ZFYVE16: variants seen among roughly 807,000 people sequenced by gnomAD.
ZFYVE16 encodes the protein zinc finger FYVE domain-containing protein 16.
In ZFYVE16, 89 loss-of-function variants were observed where a neutral mutation model predicts 138.1. That is an observed-to-expected ratio of 0.64 (90% CI 0.54 to 0.77). ZFYVE16 has a LOEUF of 0.77. Among genes scored for constraint, ZFYVE16 ranks in the 30% least tolerant of loss-of-function variants. ZFYVE16 has a pLI of 0.00. For missense variants in ZFYVE16, 1,793 were observed against 1,786.7 expected, an observed-to-expected ratio of 1.00 and a Z score of -0.06; for synonymous variants, 596 against 618.3, an observed-to-expected ratio of 0.96 and a Z score of 0.53.
chr5:80,431,667 A>G (rs923001685), intron 2 of ZFYVE16, among the ~76,000 whole-genome samples: 1 of 152,144 alleles, frequency 6.6e-6, no homozygotes, highest in African/African-American at 2.4e-5. Flanking sequence ...TGCAGATAAC[A>G]TGATTGTATA....
At chr5:80,407,823 G>A (rs1350790280), upstream of ZFYVE16, among the ~76,000 whole-genome samples, 5 of 152,176 alleles carry the variant, frequency 3.3e-5, no homozygotes, top group African/African-American at 1.2e-4. Flanking sequence ...ACCGAGTCCC[G>A]ACCTAAGGTC....
intron 15 of ZFYVE16, among the ~76,000 whole-genome samples, chr5:80,470,116 T>TTA (rs1754208235): frequency 4.5e-5 from 2 of 43,974 alleles, no homozygotes; most frequent in Non-Finnish European, 2.1e-4. Context: ...TTTTTTTTTT[T>TTA]TTTGAGACAG....
intron 1 of ZFYVE16, among the ~76,000 whole-genome samples, chr5:80,424,896 T>C (rs1184159584): frequency 6.6e-6 from 1 of 152,254 alleles, no homozygotes; most frequent in Non-Finnish European, 1.5e-5. Context: ...ACCAATGTTA[T>C]TGAAAATTCT....
intron 15 of ZFYVE16, among the ~76,000 whole-genome samples, chr5:80,464,981 A>G (rs1753526225): frequency 1.5e-5 from 1 of 65,854 alleles, no homozygotes; most frequent in Non-Finnish European, 5.0e-5. Flanking sequence ...TTGCCATACA[A>G]ATTACATGTT....
rs2112366408 is a variant in ZFYVE16 at position 80,437,454 on chromosome 5, C to G, written c.769C>G (p.His257Asp). The change falls in exon 4 of 19, where the codon CAT (histidine) becomes GAT (aspartate). Residue 257 changes from histidine to aspartate, a missense_variant. This residue lies in a region of ZFYVE16 where 1,295 missense variants were observed against 1,204.3 expected (regional missense o/e 1.08). Transcript: ENST00000505560. ...ALTRQSSKMF[H>D]AKDKLQHKSQ... ...GACTCGACAAAGTTCCAAAATGTTT[C>G]ATGCCAAAGACAAGCTACAACACAA... is the stretch of plus-strand genomic sequence containing the variant. 1 of 1,602,200 alleles carries G rather than the reference C, an allele frequency of 6.2e-7. No individual in the cohort carries two copies. The highest frequency in any genetic ancestry group is 8.5e-7 in the Non-Finnish European group (1 of 1,174,900).
intron 16 of ZFYVE16, among the ~76,000 whole-genome samples, chr5:80,473,397 T>C (rs191719617): frequency 1.3e-5 from 2 of 152,188 alleles, no homozygotes; most frequent in Admixed American, 1.3e-4. Flanking sequence ...TCTTTCTTTT[T>C]TTGAGATTGG....
Position 80,451,490 on chromosome 5 carries a change from TAC to T in ZFYVE16, c.3390_3391del (p.Ile1131ArgfsTer10). 1.3e-6 allele frequency: 2 copies of T among 1,597,030 alleles called. No individual in the cohort carries two copies. Among genetic ancestry groups the T allele is most frequent in the Non-Finnish European group, 1.7e-6 (2 of 1,171,970 alleles). On this transcript the variant is annotated frameshift_variant, in exon 11 of 19. Transcript: ENST00000505560. LOFTEE classifies it high-confidence loss of function. ...ACTAATGATTTTATTTGCAGGAAAA[TAC>T]ATAGAAAACTTGGACAATATTACCT... The part of the protein sequence containing the change: ...TIYKDALKGK[Y>X]IENLDNITFT...
intron 15 of ZFYVE16, among the ~76,000 whole-genome samples, chr5:80,463,065 G>A (rs993332897): frequency 2.0e-5 from 3 of 152,232 alleles, no homozygotes; most frequent in African/African-American, 4.8e-5. Flanking sequence ...CAAGCACACA[G>A]TGCAAGCTGT....
In ZFYVE16 at chr5:80,456,941, C is replaced by T; in HGVS notation, c.3796-4C>T. 1 of 1,578,008 alleles carries T rather than the reference C, an allele frequency of 6.3e-7. No homozygotes were observed. Among genetic ancestry groups the T allele is most frequent in the Non-Finnish European group, 8.6e-7 (1 of 1,169,290 alleles). On this transcript the variant is annotated splice_region_variant and splice_polypyrimidine_tract_variant and intron_variant, in intron 13 of 18. Transcript: ENST00000505560. Reference sequence around the variant, plus strand: ...TAAATGTTGTTGTTTTTGTTTTTTTCCAGGTAATGAAAGTACTAAATTCTT... The same window carrying T: ...TAAATGTTGTTGTTTTTGTTTTTTTTCAGGTAATGAAAGTACTAAATTCTT...
intron 13 of ZFYVE16, 31 bp downstream of exon 13, chr5:80,456,596 T>G: frequency 6.4e-7 from 1 of 1,561,818 alleles, no homozygotes; most frequent in Non-Finnish European, 8.8e-7. Context: ...CAAATGACAA[T>G]TATTGAACAT....
chr5:80,453,004 T>C (rs1752149761), intron 11 of ZFYVE16, among the ~76,000 whole-genome samples: 1 of 152,238 alleles, frequency 6.6e-6, no homozygotes, highest in Non-Finnish European at 1.5e-5. Flanking sequence ...GCATTTGAAG[T>C]ATATCACGTC....
At chr5:80,429,104 A>G (rs1049143993) in intron 2 of ZFYVE16, among the ~76,000 whole-genome samples, 3 of 152,200 alleles carry the variant, frequency 2.0e-5, no homozygotes, top group African/African-American at 7.2e-5. Context: ...AATACAGAGA[A>G]TGCCACAAAG....
chr5:80,474,714 C>A lies in ZFYVE16; in HGVS notation c.4345C>A (p.Gln1449Lys), dbSNP rs1754720036. 6.2e-7 allele frequency: 1 copy of A among 1,613,728 alleles called. No individual in the cohort carries two copies. The highest frequency in any genetic ancestry group is 1.3e-5 in the African/African-American group (1 of 74,906). ...QDLSILSTSY[Q>K]FAKEIAMACS... ...TTTATCTATTTTATCAACTTCTTAT[C>A]AGTTTGCAAAAGAAATAGCCATGGC... The change falls in exon 18 of 19, where the codon CAG (glutamine) becomes AAG (lysine). Residue 1449 changes from glutamine to lysine, a missense_variant. Gln to Lys is a moderately conservative substitution (Grantham distance 53, BLOSUM62 1). Transcript: ENST00000505560.
chr5:80,409,827 A>G (rs1430733808), intron 1 of ZFYVE16: 1 of 152,170 alleles, frequency 6.6e-6, no homozygotes, highest in African/African-American at 2.4e-5. Context: ...TGATTTAACC[A>G]TTTTTGGATT....
At chr5:80,472,260 A>C (rs1343636586) in intron 15 of ZFYVE16, among the ~76,000 whole-genome samples, 2 of 151,454 alleles carry the variant, frequency 1.3e-5, no homozygotes, top group Non-Finnish European at 2.9e-5. Context: ...GCCATTGTAG[A>C]CTTAGTGGGT....
chr5:80,455,508 T>C (rs996871095), intron 11 of ZFYVE16, 184 bp from the exon 12 acceptor site: 2 of 544,920 alleles, frequency 3.7e-6, no homozygotes, highest in Admixed American at 7.2e-5. Context: ...CACTCCAGCC[T>C]GGGCAACAGA....
chr5:80,474,884 A>G (rs1754741315), intron 18 of ZFYVE16, 54 bp downstream of exon 18: 1 of 1,548,012 alleles, frequency 6.5e-7, no homozygotes, highest in South Asian at 1.2e-5. Flanking sequence ...CATATTAACA[A>G]GTTTTTCTTC....
chr5:80,421,106 G>C (rs1314243121), intron 1 of ZFYVE16, among the ~76,000 whole-genome samples: 1 of 152,210 alleles, frequency 6.6e-6, no homozygotes. Flanking sequence ...TTTGAGAAGT[G>C]TCTATTCATA....
Position 80,438,099 on chromosome 5 carries a change from GACACCAGTTCT to G in ZFYVE16, c.1418_1428del (p.Thr473SerfsTer18). ...CAGAGCTGAGTCTTTGGATGGTGGT[GACACCAGTTCT>G]ACAGTTGTAGAATCTCAAGAGGGGC... is the stretch of plus-strand genomic sequence containing the variant. On this transcript the variant is annotated frameshift_variant, in exon 4 of 19. Coordinates refer to ENST00000505560, the MANE Select transcript of ZFYVE16 (RefSeq NM_001284236.3). LOFTEE classifies it high-confidence loss of function. 1.2e-6 allele frequency: 2 copies of G among 1,614,090 alleles called. No homozygotes were observed. The highest frequency in any genetic ancestry group is 1.7e-6 in the Non-Finnish European group (2 of 1,179,986).
Sources: allele counts gnomAD v4.1 joint callset (sites outside exome capture counted in the v4.1 genomes callset), GRCh38; gene constraint gnomAD v4.1.1; regional missense constraint gnomAD v4.1.1; transcripts MANE v1.5; gene names NCBI Gene and HGNC (gene_info 2026-07-23, HGNC 2026-07-21).